HERC6: variants seen among roughly 807,000 people sequenced by gnomAD.
The protein encoded by HERC6 is probable E3 ubiquitin-protein ligase HERC6.
In HERC6, 101 loss-of-function variants were observed where a neutral mutation model predicts 114.5. That is an observed-to-expected ratio of 0.88 (90% CI 0.75 to 1.04). The LOEUF is 1.04. Ranked by LOEUF, HERC6 falls within the 50% of genes least tolerant of loss-of-function variation. The pLI, the probability that HERC6 is intolerant of heterozygous loss-of-function variation, is 0.00. For synonymous variants in HERC6, 408 were observed against 436.2 expected (o/e 0.94, Z 0.81); for missense variants, 1,133 against 1,230.9 (o/e 0.92, Z 1.19).
intron 3 of HERC6, among the ~76,000 whole-genome samples, chr4:88,387,582 T>C (rs1324436766): frequency 2.6e-5 from 4 of 152,236 alleles, no homozygotes; most frequent in Non-Finnish European, 4.4e-5. Context: ...TACGCTGCAC[T>C]GACTACAAAT....
Position 88,431,222 on chromosome 4 carries a change from T to C in HERC6, c.2167T>C (p.Cys723Arg), listed in dbSNP as rs1464946538. 1 of 1,613,320 alleles carries C rather than the reference T, an allele frequency of 6.2e-7. No individual in the cohort carries two copies. Among genetic ancestry groups the C allele is most frequent in the Non-Finnish European group, 8.5e-7 (1 of 1,179,496 alleles). Residue 723 changes from cysteine (C) to arginine (R), a missense_variant, in exon 17 of 23, where the codon TGT becomes CGT. Cys to Arg is a radical substitution (Grantham distance 180). Transcript: ENST00000264346. The part of the protein sequence containing the change: ...SGGVSSEFFH[C>R]MFEEMTKPEY... ...AGGGGTTAGTTCAGAGTTCTTCCAC[T>C]GTATGTTTGAAGAGATGACCAAGCC... is the stretch of plus-strand genomic sequence containing the variant.
chr4:88,417,340 T>C, intron 12 of HERC6, 85 bp from the exon 13 acceptor site: 1 of 1,200,808 alleles, frequency 8.3e-7, no homozygotes, highest in South Asian at 1.4e-5. Flanking sequence ...ATTATCTATT[T>C]CTTACATTAA....
chr4:88,386,568 G>C (rs770858565), intron 3 of HERC6, among the ~76,000 whole-genome samples: 43 of 152,144 alleles, frequency 2.8e-4, no homozygotes, highest in Non-Finnish European at 5.6e-4. Context: ...ACTAAAAGTA[G>C]TGGTTAGACT....
intron 1 of HERC6, among the ~76,000 whole-genome samples, chr4:88,382,985 T>G (rs1734393346): frequency 6.6e-6 from 1 of 152,202 alleles, no homozygotes; most frequent in South Asian, 2.1e-4. Flanking sequence ...CTCAACCTGA[T>G]AGTCTCCCTG....
In HERC6 at chr4:88,383,361, G is replaced by A; in HGVS notation, c.340G>A (p.Glu114Lys). The change falls in exon 2 of 23, where the codon GAA becomes AAA. Residue 114 changes from glutamate (E) to lysine (K), a missense_variant. Physicochemically the swap from Glu to Lys is moderately conservative, Grantham distance 56. This residue lies in a region of HERC6 where 735 missense variants were observed against 754.0 expected (regional missense o/e 0.97). Transcript: ENST00000264346. ...GCAGCTGGGGATTGGAGAATTCAAG[G>A]AAATAAGTTTCACACCTAAGTAAGT... is the stretch of plus-strand genomic sequence containing the variant. The part of the protein sequence containing the change: ...EGQLGIGEFK[E>K]ISFTPKKIMT... The A allele has an allele frequency of 1.3e-6, 2 of 1,507,972 alleles. No individual in the cohort carries two copies. The highest frequency in any genetic ancestry group is 1.8e-6 in the Non-Finnish European group (2 of 1,130,336). The allele number at this position is 1,507,972 out of a possible 1,614,324, so 93.4% of individuals were successfully genotyped here.
At chr4:88,399,237 A>G (rs1735411548) in intron 8 of HERC6, 1 of 152,236 alleles carries the variant, frequency 6.6e-6, no homozygotes, top group African/African-American at 2.4e-5. Flanking sequence ...CCTGGCACAG[A>G]ATGTGGTCAG....
chr4:88,380,473 C>T (rs1348225020), intron 1 of HERC6, among the ~76,000 whole-genome samples: 4 of 133,292 alleles, frequency 3.0e-5, no homozygotes, highest in Non-Finnish European at 6.1e-5. Context: ...GATCCCAGCA[C>T]TTTGGGAGGC....
intron 12 of HERC6, among the ~76,000 whole-genome samples, chr4:88,416,174 T>C (rs1736455348): frequency 6.6e-6 from 1 of 152,210 alleles, no homozygotes; most frequent in African/African-American, 2.4e-5. Context: ...CAGTGTGCTG[T>C]GTGACTCAGG....
chr4:88,391,981 TTCCCTCCCCTCCCCTTC>T (rs1290134250), intron 4 of HERC6, among the ~76,000 whole-genome samples: 33 of 54,298 alleles, frequency 6.1e-4, no homozygotes, highest in Non-Finnish European at 7.9e-4. Flanking sequence ...TCCCTTTCCC[TTCCCTCCCCTCCCCTTC>T]TCCCTCCCCT....
intron 1 of HERC6, among the ~76,000 whole-genome samples, chr4:88,380,446 C>A (rs1344800606): frequency 7.9e-6 from 1 of 126,716 alleles, no homozygotes; most frequent in Non-Finnish European, 1.6e-5. Flanking sequence ...AGGCCGGACG[C>A]GGTGGCTTAC....
chr4:88,435,966 C>T, intron 18 of HERC6, 75 bp downstream of exon 18: 1 of 1,064,384 alleles, frequency 9.4e-7, no homozygotes, highest in Non-Finnish European at 1.3e-6. Flanking sequence ...ATCTTACACA[C>T]AGAGAGACAG....
At chr4:88,383,531 G>T (rs1734424976) in intron 2 of HERC6, among the ~76,000 whole-genome samples, 151 bp downstream of exon 2, 1 of 151,952 alleles carries the variant, frequency 6.6e-6, no homozygotes, top group African/African-American at 2.4e-5. Flanking sequence ...GGCTAAGGTG[G>T]GCAGATCACT....
At chr4:88,381,121 A>G (rs1394940073) in intron 1 of HERC6, among the ~76,000 whole-genome samples, 1 of 152,110 alleles carries the variant, frequency 6.6e-6, no homozygotes, top group Admixed American at 6.6e-5. Flanking sequence ...AATAATACTG[A>G]TTGATATTCT....
Position 88,431,148 on chromosome 4 carries a change from T to C in HERC6, c.2107-14T>C. ...TTTTAAGTCAGGATCTGGGACTATG[T>C]TCTCTTTCCTTAGGTTGAATTTATT... On this transcript the variant is annotated splice_polypyrimidine_tract_variant and intron_variant, in intron 16 of 22. Coordinates refer to ENST00000264346, the MANE Select transcript of HERC6 (RefSeq NM_017912.4). The C allele has an allele frequency of 6.2e-7, 1 of 1,600,622 alleles. No individual in the cohort carries two copies. Among genetic ancestry groups the C allele is most frequent in the Non-Finnish European group, 8.5e-7 (1 of 1,175,584 alleles).
At chr4:88,435,235 T>TAG (rs1355156182) in intron 17 of HERC6, among the ~76,000 whole-genome samples, 4 of 152,092 alleles carry the variant, frequency 2.6e-5, no homozygotes, top group African/African-American at 9.7e-5. Flanking sequence ...TCTTGGTCCC[T>TAG]AGCGTCAGTC....
chr4:88,409,321 A>G (rs1735966650), intron 11 of HERC6, among the ~76,000 whole-genome samples: 4 of 152,206 alleles, frequency 2.6e-5, no homozygotes, highest in Admixed American at 1.3e-4. Flanking sequence ...CAAGAATGAG[A>G]AAAGACAGCC....
chr4:88,430,694 C>G (rs1738108586), intron 16 of HERC6, among the ~76,000 whole-genome samples: 1 of 152,094 alleles, frequency 6.6e-6, no homozygotes, highest in African/African-American at 2.4e-5. Context: ...GTCTCATGCC[C>G]AGGCAGACTG....
At chr4:88,379,231 G>A in intron 1 of HERC6, 111 bp downstream of exon 1, 1 of 878,676 alleles carries the variant, frequency 1.1e-6, no homozygotes, top group South Asian at 1.9e-5. Context: ...CGGGTGAGGG[G>A]CGCGGGGGCC....
At chr4:88,417,238 G>T (rs1736563692) in intron 12 of HERC6, among the ~76,000 whole-genome samples, 187 bp from the exon 13 acceptor site, 1 of 151,884 alleles carries the variant, frequency 6.6e-6, no homozygotes, top group South Asian at 2.1e-4. Flanking sequence ...ACTTAATAAG[G>T]GAAAAAAATT....
Sources: allele counts gnomAD v4.1 joint callset (sites outside exome capture counted in the v4.1 genomes callset), GRCh38; gene constraint gnomAD v4.1.1; regional missense constraint gnomAD v4.1.1; transcripts MANE v1.5; gene names NCBI Gene and HGNC (gene_info 2026-07-23, HGNC 2026-07-21).